The following TERF2 variants were observed in gnomAD, a reference collection of about 807,000 sequenced individuals.
The protein encoded by TERF2 is telomeric repeat binding factor 2.
Under a neutral mutation model 56.1 loss-of-function variants are expected in TERF2, and 16 were observed. That is an observed-to-expected ratio of 0.29 (90% confidence interval 0.19 to 0.43). The LOEUF is 0.43. TERF2 is among the 20% of genes least tolerant of loss of function. The pLI is 1.00. For missense variants in TERF2, 547 were observed against 712.9 expected (o/e 0.77, Z 2.65); for synonymous variants, 296 against 282.1 (o/e 1.05, Z -0.50).
intron 3 of TERF2, among the ~76,000 whole-genome samples, chr16:69,377,044 CA>C (rs2013818195): frequency 6.7e-6 from 1 of 150,268 alleles, no homozygotes; most frequent in South Asian, 2.1e-4. Context: ...CTACTAAAAA[CA>C]CACAAAAATT....
At chr16:69,370,398 A>G in intron 5 of TERF2, 85 bp downstream of exon 5, 1 of 1,531,700 alleles carries the variant, frequency 6.5e-7, no homozygotes, top group Middle Eastern at 1.8e-4. Context: ...TTTTTCACAC[A>G]TCAACTCTTT....
intron 3 of TERF2, among the ~76,000 whole-genome samples, chr16:69,374,126 G>C (rs1438415447): frequency 6.6e-6 from 1 of 152,132 alleles, no homozygotes; most frequent in Non-Finnish European, 1.5e-5. Flanking sequence ...AAAAACATAT[G>C]CTCAAACTAT....
At chr16:69,358,034 A>G (rs765963746) in intron 8 of TERF2, among the ~76,000 whole-genome samples, 5 of 149,356 alleles carry the variant, frequency 3.3e-5, no homozygotes, top group Non-Finnish European at 5.9e-5. Context: ...TTTGTTTGAG[A>G]AGGAGTCTCA....
chr16:69,382,508 C>T (rs540829684), intron 3 of TERF2, among the ~76,000 whole-genome samples: 2 of 152,342 alleles, frequency 1.3e-5, no homozygotes, highest in East Asian at 1.9e-4. Flanking sequence ...CACACTCTAC[C>T]AGAGTGAGTC....
chr16:69,382,475 C>T (rs557324599), intron 3 of TERF2, among the ~76,000 whole-genome samples: 17 of 152,218 alleles, frequency 1.1e-4, no homozygotes, highest in South Asian at 4.1e-4. Flanking sequence ...CCCAATGCGC[C>T]TCACCTCTTG....
chr16:69,366,578 C>T, intron 7 of TERF2: 1 of 525,260 alleles, frequency 1.9e-6, no homozygotes, highest in Non-Finnish European at 3.3e-6. Flanking sequence ...GAAACCTTTC[C>T]ATTCCCACTC....
rs552295163 is a variant in TERF2, at chr16:69,370,558, T to A, written c.765A>T (p.Ser255=). ...NLAHPVIQNF[S]YETFQQKMLR... is the part of the protein sequence containing the mutation. ...GCATCTTCTGCTGGAAGGTCTCATA[T>A]GAAAAGTTCTGGATAACAGGATGGG... The change falls in exon 5 of 10, where the codon TCA becomes TCT. Residue 255 remains serine (S), a synonymous_variant. Transcript: ENST00000254942. 2 of 1,614,212 alleles carry A rather than the reference T, an allele frequency of 1.2e-6. No homozygotes were observed. The highest frequency in any genetic ancestry group is 1.7e-6 in the Non-Finnish European group (2 of 1,180,048).
chr16:69,371,632 T>TA (rs1413041018), intron 4 of TERF2, among the ~76,000 whole-genome samples: 4 of 151,038 alleles, frequency 2.6e-5, no homozygotes, highest in African/African-American at 9.7e-5. Context: ...CTGGGCAACA[T>TA]AAAGAGACCC....
At chr16:69,383,493 CTA>C (rs1462455876) in intron 3 of TERF2, among the ~76,000 whole-genome samples, 4 of 152,200 alleles carry the variant, frequency 2.6e-5, no homozygotes, top group Admixed American at 1.3e-4. Context: ...TTGATAATGT[CTA>C]TTCTGGCATA....
chr16:69,371,457 G>A (rs189254762), intron 4 of TERF2, among the ~76,000 whole-genome samples: 2 of 148,302 alleles, frequency 1.3e-5, no homozygotes, highest in African/African-American at 5.0e-5. Context: ...GCCAAGATTG[G>A]GCCACTATAC....
Sources: gnomAD v4.1 joint callset for allele counts (sites outside exome capture counted in the v4.1 genomes callset) on GRCh38, gnomAD v4.1.1 for gene constraint, MANE v1.5 for transcripts, NCBI Gene and HGNC (gene_info 2026-07-23, HGNC 2026-07-21) for gene names.